Variants in PPFIBP2 observed in about 807,000 individuals in gnomAD.
The protein encoded by PPFIBP2 is liprin-beta-2.
PPFIBP2 carries 118 observed loss-of-function variants against 118.3 expected under a neutral mutation model. The observed-to-expected ratio is 1.00, with a 90% confidence interval of 0.86 to 1.16. The LOEUF is 1.16. PPFIBP2 is among the 50% of genes most tolerant of loss of function. PPFIBP2 has a pLI of 0.00. For synonymous variants in PPFIBP2, 414 were observed against 397.4 expected, an observed-to-expected ratio of 1.04 and a Z score of -0.50; for missense variants, 1,195 against 1,073.1, an observed-to-expected ratio of 1.11 and a Z score of -1.59.
At position 7,565,727 on chromosome 11, in the gene PPFIBP2, C is replaced by G. The variant is rs777166184; in HGVS notation, c.239C>G (p.Pro80Arg). The G allele has an allele frequency of 1.9e-6, 3 of 1,614,118 alleles. No individual in the cohort carries two copies. Among genetic ancestry groups the G allele is most frequent in the Non-Finnish European group, 1.7e-6 (2 of 1,180,014 alleles). The change falls in exon 3 of 24, where the codon CCA becomes CGA. Residue 80 changes from proline to arginine, a missense_variant. By Grantham distance (103) the Pro-to-Arg change is moderately radical (BLOSUM62 -2). Transcript: ENST00000299492. Reference protein sequence around the residue: ...RAALLSQIPGPTAAYIKEWFE... With the variant: ...RAALLSQIPGRTAAYIKEWFE... ...GCCCTCCTGAGCCAGATCCCTGGCC[C>G]AACAGCTGCCTACATAAAGGAATGG...
chr11:7,559,547 C>T (rs1259760567), intron 2 of PPFIBP2, among the ~76,000 whole-genome samples: 1 of 152,096 alleles, frequency 6.6e-6, no homozygotes, highest in Non-Finnish European at 1.5e-5. Flanking sequence ...TGGCACTATA[C>T]CAGTGGTATG....
chr11:7,656,770 C>T (rs374609881), downstream of PPFIBP2: 56 of 1,289,880 alleles, frequency 4.3e-5, no homozygotes, highest in East Asian at 1.6e-3. Flanking sequence ...TCTCGCCTGC[C>T]TGCCCCCAAC....
At chr11:7,626,276 T>G (rs1285282798) in intron 8 of PPFIBP2, among the ~76,000 whole-genome samples, 1 of 152,260 alleles carries the variant, frequency 6.6e-6, no homozygotes, top group African/African-American at 2.4e-5. Flanking sequence ...AGAAATTTAC[T>G]CAGTCATTTC....
In PPFIBP2 at chr11:7,648,511, A is replaced by T. The variant is rs750628832; in HGVS notation, c.1771A>T (p.Thr591Ser). ...QWVSSGHTLL[T>S]ATPQDMEKEL... ...GGTATCTTCTGGCCACACCTTATTG[A>T]CAGCCACCCCTCAGGACATGGAAAA... The change falls in exon 18 of 24, where the codon ACA (threonine) becomes TCA (serine). Residue 591 changes from threonine (T) to serine (S), a missense_variant. Thr to Ser is a moderately conservative substitution (Grantham distance 58, BLOSUM62 1). Transcript: ENST00000299492. 1 of 1,613,866 alleles carries T rather than the reference A, an allele frequency of 6.2e-7. No individual in the cohort carries two copies. Among genetic ancestry groups the T allele is most frequent in the African/African-American group, 1.3e-5 (1 of 74,834 alleles).
intron 2 of PPFIBP2, among the ~76,000 whole-genome samples, chr11:7,553,343 C>T (rs1853215100): frequency 6.6e-6 from 1 of 152,136 alleles, no homozygotes; most frequent in African/African-American, 2.4e-5. Flanking sequence ...ACTGAGGTTA[C>T]TAGTGAGTAT....
intron 2 of PPFIBP2, among the ~76,000 whole-genome samples, chr11:7,556,361 A>G (rs1428857515): frequency 6.6e-6 from 1 of 152,192 alleles, no homozygotes; most frequent in Non-Finnish European, 1.5e-5. Flanking sequence ...AGGCTGAGGC[A>G]GGAGAATGGC....
At chr11:7,605,417 GAGACA>G in intron 5 of PPFIBP2, among the ~76,000 whole-genome samples, 1 of 152,256 alleles carries the variant, frequency 6.6e-6, no homozygotes, top group Admixed American at 6.5e-5. Flanking sequence ...GAGTCAGCCA[GAGACA>G]AACACAAGTT....
chr11:7,593,710 A>G (rs915244741), intron 4 of PPFIBP2, among the ~76,000 whole-genome samples: 1 of 152,216 alleles, frequency 6.6e-6, no homozygotes, highest in Non-Finnish European at 1.5e-5. Flanking sequence ...TGGAGCTGGT[A>G]ACAGGGGCTA....
intron 1 of PPFIBP2, among the ~76,000 whole-genome samples, chr11:7,516,770 G>A (rs1333204150): frequency 6.6e-6 from 1 of 152,138 alleles, no homozygotes; most frequent in African/African-American, 2.4e-5. Context: ...GGTGTCTTCT[G>A]GCCGGCTGTC....
At chr11:7,516,344 T>C (rs185609853) in intron 1 of PPFIBP2, among the ~76,000 whole-genome samples, 20 of 151,958 alleles carry the variant, frequency 1.3e-4, no homozygotes, top group African/African-American at 4.6e-4. Context: ...TTCGGAGAGA[T>C]AGAATCTGTA....
intron 2 of PPFIBP2, among the ~76,000 whole-genome samples, chr11:7,559,424 A>T (rs1854043866): frequency 6.6e-6 from 1 of 151,942 alleles, no homozygotes; most frequent in Admixed American, 6.6e-5. Flanking sequence ...CTCCTGGGAG[A>T]TTTTGCAATT....
At position 7,565,567 on chromosome 11, in the gene PPFIBP2, G is replaced by A. The variant is rs200278198; in HGVS notation, c.79G>A (p.Ala27Thr). ...TCTCATTGCAGGCACTAAAACAGGTGCAGATCTTAGTGATGGTACTTGTGA... is the reference window on the plus strand; with the variant it reads ...TCTCATTGCAGGCACTAAAACAGGTACAGATCTTAGTGATGGTACTTGTGA... ...DGIIAGTKTG[A>T]DLSDGTCEPG... The change falls in exon 3 of 24, where the codon GCA becomes ACA. Residue 27 changes from alanine (A) to threonine (T), a missense_variant. Physicochemically the swap from Ala to Thr is moderately conservative, Grantham distance 58. Coordinates refer to ENST00000299492, the MANE Select transcript of PPFIBP2 (RefSeq NM_003621.5). 4.3e-5 allele frequency: 69 copies of A among 1,614,208 alleles called. No homozygotes were observed. In the Middle Eastern group the frequency reaches 5.0e-4, roughly 12 times the overall value.
At chr11:7,587,994 C>G (rs1176764833) in intron 3 of PPFIBP2, among the ~76,000 whole-genome samples, 1 of 152,204 alleles carries the variant, frequency 6.6e-6, no homozygotes, top group Non-Finnish European at 1.5e-5. Flanking sequence ...AACAATTTGG[C>G]TGATCTAGGG....
At chr11:7,657,924 T>C (rs983958472), downstream of PPFIBP2, among the ~76,000 whole-genome samples, 1 of 152,216 alleles carries the variant, frequency 6.6e-6, no homozygotes, top group Admixed American at 6.5e-5. Flanking sequence ...AGTCCTCCAG[T>C]TGCCAAGGAG....
intron 1 of PPFIBP2, among the ~76,000 whole-genome samples, chr11:7,529,403 A>C (rs1375345918): frequency 6.6e-6 from 1 of 152,218 alleles, no homozygotes; most frequent in Non-Finnish European, 1.5e-5. Context: ...ACCTTCCCTC[A>C]GTAATTCCTG....
chr11:7,607,018 C>G (rs190629599), intron 5 of PPFIBP2, among the ~76,000 whole-genome samples: 1 of 145,964 alleles, frequency 6.9e-6, no homozygotes, highest in African/African-American at 2.5e-5. Flanking sequence ...TCACGCCATT[C>G]TCCTGCCTCA....
At chr11:7,637,702 G>C (rs1851630407) in intron 14 of PPFIBP2, among the ~76,000 whole-genome samples, 1 of 152,228 alleles carries the variant, frequency 6.6e-6, no homozygotes, top group African/African-American at 2.4e-5. Context: ...TGTTTCCTCT[G>C]CGTCACGTCT....
At chr11:7,519,850 A>G (rs1849580714) in intron 1 of PPFIBP2, among the ~76,000 whole-genome samples, 1 of 152,228 alleles carries the variant, frequency 6.6e-6, no homozygotes, top group Admixed American at 6.5e-5. Context: ...TTTTCGGACC[A>G]GAGAAACCAA....
At chr11:7,576,710 G>C (rs1170731925) in intron 3 of PPFIBP2, 1 of 152,418 alleles carries the variant, frequency 6.6e-6, no homozygotes, top group East Asian at 1.9e-4. Context: ...AGGGTGCCCT[G>C]GCTGGTGGCC....
Sources: gnomAD v4.1 joint callset for allele counts (sites outside exome capture counted in the v4.1 genomes callset) on GRCh38, gnomAD v4.1.1 for gene constraint, MANE v1.5 for transcripts, NCBI Gene and HGNC (gene_info 2026-07-23, HGNC 2026-07-21) for gene names.